The following PTPRM variants were observed in gnomAD, a reference collection of about 807,000 sequenced individuals.
PTPRM encodes receptor-type tyrosine-protein phosphatase mu.
A neutral mutation model predicts 186.7 loss-of-function variants in PTPRM; 47 were observed. The ratio of observed to expected loss-of-function variants is 0.25; its 90% CI spans 0.20 to 0.32. The LOEUF is 0.32. Among genes scored for constraint, PTPRM ranks in the 10% least tolerant of loss-of-function variants. PTPRM has a pLI of 1.00. For missense variants in PTPRM, 1,494 were observed against 1,865.0 expected, an observed-to-expected ratio of 0.80 and a Z score of 3.66; for synonymous variants, 668 against 674.9, an observed-to-expected ratio of 0.99 and a Z score of 0.16.
intron 2 of PTPRM, among the ~76,000 whole-genome samples, chr18:7,787,681 A>G (rs2043155599): frequency 6.6e-6 from 1 of 152,214 alleles, no homozygotes; most frequent in Admixed American, 6.5e-5. Context: ...TGCCTGAATG[A>G]GAAATAAGCT....
At chr18:7,717,359 C>G (rs1305499254) in intron 1 of PTPRM, among the ~76,000 whole-genome samples, 1 of 151,968 alleles carries the variant, frequency 6.6e-6, no homozygotes, top group Non-Finnish European at 1.5e-5. Context: ...GGTGTAACTT[C>G]GAAGAAGAAT....
chr18:7,751,647 G>A (rs2144626741), intron 1 of PTPRM: 1 of 152,248 alleles, frequency 6.6e-6, no homozygotes, highest in East Asian at 1.9e-4. Context: ...GTTTCTTCAT[G>A]TGTACAGTAT....
intron 7 of PTPRM, among the ~76,000 whole-genome samples, chr18:8,000,915 A>G (rs1005187462): frequency 6.6e-6 from 1 of 152,214 alleles, no homozygotes; most frequent in Non-Finnish European, 1.5e-5. Flanking sequence ...AAACTACTCA[A>G]TTTGGAACAT....
chr18:7,928,641 TTA>T (rs1368522336), intron 5 of PTPRM, among the ~76,000 whole-genome samples: 1 of 152,316 alleles, frequency 6.6e-6, no homozygotes, highest in East Asian at 1.9e-4. Context: ...CTCCTAATAT[TTA>T]TGATATTACT....
At chr18:8,361,113 G>C (rs2095594678) in intron 23 of PTPRM, 1 of 152,228 alleles carries the variant, frequency 6.6e-6, no homozygotes, top group Admixed American at 6.5e-5. Flanking sequence ...GGTGAGGGTG[G>C]TGAGACTCAG....
At chr18:7,819,302 A>G (rs76265413) in intron 2 of PTPRM, among the ~76,000 whole-genome samples, 3,567 of 54,712 alleles carry the variant, frequency 0.065, 143 homozygotes, top group African/African-American at 0.13. Context: ...TATAAAAACT[A>G]TGAGACCCTA....
At chr18:8,387,320 C>A in intron 31 of PTPRM, 85 bp downstream of exon 31, 5 of 1,364,820 alleles carry the variant, frequency 3.7e-6, no homozygotes, top group Non-Finnish European at 5.0e-6. Flanking sequence ...TTTTGTTTCA[C>A]TAGAAATGGA....
chr18:7,827,764 T>G (rs906982722), intron 2 of PTPRM, among the ~76,000 whole-genome samples: 3 of 152,244 alleles, frequency 2.0e-5, no homozygotes, highest in African/African-American at 7.2e-5. Flanking sequence ...TGTGAGCACG[T>G]GTGCCCATGT....
intron 23 of PTPRM, among the ~76,000 whole-genome samples, chr18:8,358,207 A>G (rs1026107929): frequency 1.3e-5 from 2 of 150,848 alleles, no homozygotes; most frequent in Non-Finnish European, 1.5e-5. Context: ...CACATTCCCC[A>G]TATCTGATCA....
chr18:8,269,863 A>T (rs1304400098), intron 19 of PTPRM: 1 of 152,036 alleles, frequency 6.6e-6, no homozygotes, highest in Non-Finnish European at 1.5e-5. Context: ...TTGCTCTCTT[A>T]TACTCACAAA....
intron 14 of PTPRM, among the ~76,000 whole-genome samples, chr18:8,161,335 A>G (rs1436018324): frequency 1.3e-5 from 2 of 152,008 alleles, no homozygotes; most frequent in East Asian, 1.9e-4. Context: ...GCTAAGGTTG[A>G]CTCTGAGTTC....
chr18:7,760,325 G>A (rs1220698866), intron 1 of PTPRM, among the ~76,000 whole-genome samples: 1 of 152,196 alleles, frequency 6.6e-6, no homozygotes, highest in East Asian at 1.9e-4. Flanking sequence ...ATCTTAGAGT[G>A]GGAATATTAC....
chr18:7,708,346 A>G (rs1435373012), intron 1 of PTPRM, among the ~76,000 whole-genome samples: 2 of 152,222 alleles, frequency 1.3e-5, no homozygotes, highest in Non-Finnish European at 2.9e-5. Context: ...TTCATATTAA[A>G]TTATCCTTTT....
chr18:8,274,721 C>T (rs762140332), intron 19 of PTPRM, among the ~76,000 whole-genome samples: 4 of 152,268 alleles, frequency 2.6e-5, no homozygotes, highest in East Asian at 1.9e-4. Flanking sequence ...TTTGCACCAC[C>T]GTAAGTACCA....
chr18:8,082,766 C>T (rs762876389), intron 9 of PTPRM, among the ~76,000 whole-genome samples: 5 of 151,914 alleles, frequency 3.3e-5, no homozygotes, highest in African/African-American at 1.2e-4. Context: ...TCATCACCCC[C>T]AGTCTTCACT....
intron 5 of PTPRM, among the ~76,000 whole-genome samples, chr18:7,932,015 G>A (rs1043821851): frequency 6.6e-6 from 1 of 152,196 alleles, no homozygotes; most frequent in Non-Finnish European, 1.5e-5. Flanking sequence ...TGGTGTTTTT[G>A]TAACTTCTGC....
intron 14 of PTPRM, among the ~76,000 whole-genome samples, chr18:8,176,572 C>A (rs900852641): frequency 6.6e-6 from 1 of 152,192 alleles, no homozygotes; most frequent in South Asian, 2.1e-4. Context: ...AAAGAAAGTT[C>A]TCTGTTAATA....
chr18:7,818,404 T>C (rs1225268032), intron 2 of PTPRM, among the ~76,000 whole-genome samples: 1 of 152,150 alleles, frequency 6.6e-6, no homozygotes, highest in Non-Finnish European at 1.5e-5. Context: ...CCTTCCTTCT[T>C]TGTGCCTCTT....
intron 1 of PTPRM, among the ~76,000 whole-genome samples, chr18:7,731,865 T>G (rs927739602): frequency 8.5e-5 from 13 of 152,168 alleles, no homozygotes; most frequent in African/African-American, 3.1e-4. Context: ...CTACTAACAT[T>G]AGAGAACTGA....
Sources: gnomAD v4.1 joint callset for allele counts (sites outside exome capture counted in the v4.1 genomes callset) on GRCh38, gnomAD v4.1.1 for gene constraint, MANE v1.5 for transcripts, NCBI Gene and HGNC (gene_info 2026-07-23, HGNC 2026-07-21) for gene names.